PTCH2: variants seen among roughly 807,000 people sequenced by gnomAD.
PTCH2 encodes the protein protein patched homolog 2.
In PTCH2, 96 loss-of-function variants were observed where a neutral mutation model predicts 117.9. The observed-to-expected ratio is 0.81, with a 90% CI of 0.69 to 0.96. The LOEUF (loss-of-function observed/expected upper bound fraction) is 0.96. Among genes scored for constraint, PTCH2 ranks in the 50% least tolerant of loss-of-function variants. The pLI, the probability that PTCH2 is intolerant of heterozygous loss-of-function variation, is 0.00. For synonymous variants in PTCH2, 615 were observed against 660.9 expected (o/e 0.93, Z 1.06); for missense variants, 1,379 against 1,562.5 (o/e 0.88, Z 1.98).
At position 44,827,853 on chromosome 1, in the gene PTCH2, G is replaced by A. The variant is rs1420550032; in HGVS notation, c.2048C>T (p.Ser683Leu). Residue 683 changes from serine to leucine, a missense_variant, in exon 14 of 22, where the codon TCA (serine) becomes TTA (leucine). Physicochemically the swap from Ser to Leu is moderately radical, Grantham distance 145. Coordinates refer to ENST00000372192, the MANE Select transcript of PTCH2 (RefSeq NM_003738.5). ...TCTGCCCAGTCTTACCTTAGCATGTGACTGGAGCAGCAACGGGGCAAACTG... is the reference window on the plus strand; with the variant it reads ...TCTGCCCAGTCTTACCTTAGCATGTAACTGGAGCAGCAACGGGGCAAACTG... ...RYQFAPLLLQ[S>L]HAKAIVLVLF... 3.1e-6 allele frequency: 5 copies of A among 1,614,002 alleles called. No individual in the cohort carries two copies. In the African/African-American group the frequency reaches 6.7e-5, roughly 22 times the overall value.
chr1:44,827,284 G>A lies in PTCH2; in HGVS notation c.2397C>T (p.Asp799=). 1 of 1,613,998 alleles carries A rather than the reference G, an allele frequency of 6.2e-7. No individual in the cohort carries two copies. The highest frequency in any genetic ancestry group is 8.5e-7 in the Non-Finnish European group (1 of 1,180,018). The part of the protein sequence containing the change: ...LQGIQAAFDQ[D]WASGRITRHS... ...GGCGGGTGATGCGCCCAGAAGCCCA[G>A]TCCTGGTCAAAGGCAGCCTGGATTC... Residue 799 remains aspartate, a synonymous_variant, in exon 16 of 22, where the codon GAC becomes GAT. Coordinates refer to ENST00000372192, the MANE Select transcript of PTCH2 (RefSeq NM_003738.5).
chr1:44,829,752 G>A lies in PTCH2; in HGVS notation c.945C>T (p.Ala315=), dbSNP rs201325645. The change falls in exon 8 of 22, where the codon GCC becomes GCT. Residue 315 remains alanine (A), a synonymous_variant. Coordinates refer to ENST00000372192, the MANE Select transcript of PTCH2 (RefSeq NM_003738.5). The part of the protein sequence containing the change: ...DPQGELLRAE[A]LQSTFLLMSP... ...TCATCAGCAAGAAGGTGCTCTGCAG[G>A]GCCTCTGCCCTGGTGGGGGTGTGGG... The A allele has an allele frequency of 7.2e-5, 117 of 1,614,118 alleles. No individual in the cohort carries two copies. The highest frequency in any genetic ancestry group is 1.3e-5 in the Non-Finnish European group (15 of 1,180,060).
intron 2 of PTCH2, among the ~76,000 whole-genome samples, chr1:44,841,289 C>T (rs1302710733): frequency 6.6e-6 from 1 of 151,608 alleles, no homozygotes; most frequent in Non-Finnish European, 1.5e-5. Flanking sequence ...GCTATTGCCT[C>T]AAAGTGTGGA....
chr1:44,831,139 T>C lies in PTCH2; in HGVS notation c.618-96A>G. On this transcript the variant is annotated intron_variant, in intron 5 of 21. Coordinates refer to ENST00000372192, the MANE Select transcript of PTCH2 (RefSeq NM_003738.5). The surrounding 1 kb of genome is among the most constrained non-coding windows in gnomAD (Gnocchi z 4.3). The stretch of plus-strand genomic sequence containing the variant: ...CATGCTGTACCCCACCCTCCTCTTA[T>C]CTGCCGATTTGTCCTTCCATATGGA... 3 of 1,247,660 alleles carry C rather than the reference T, an allele frequency of 2.4e-6. No homozygotes were observed. The highest frequency in any genetic ancestry group is 1.4e-5 in the South Asian group (1 of 72,518). 77.3% of individuals were successfully genotyped at this position (1,247,660 alleles called of 1,614,324 possible).
In PTCH2 at chr1:44,823,352, G is replaced by A. The variant is rs765314961; in HGVS notation, c.3148C>T (p.Arg1050Trp). 8.7e-6 allele frequency: 14 copies of A among 1,614,104 alleles called. No homozygotes were observed. The highest frequency in any genetic ancestry group is 8.3e-5 in the Admixed American group (5 of 60,010). The change falls in exon 20 of 22, where the codon CGG (arginine) becomes TGG (tryptophan). Residue 1050 changes from arginine to tryptophan, a missense_variant. Coordinates refer to ENST00000372192, the MANE Select transcript of PTCH2 (RefSeq NM_003738.5). The surrounding 1 kb of genome is among the most constrained non-coding windows in gnomAD (Gnocchi z 5.1). ...FLTTQGSRNLRAAHALEHTFA... is the reference protein window; with the variant it reads ...FLTTQGSRNLWAAHALEHTFA... ...GTGTGCTCAAGGGCATGGGCGGCCC[G>A]CAGGTTCCGGCTGCCCTGGGTGGTC...
At chr1:44,829,345 C>T in intron 9 of PTCH2, 33 bp from the exon 10 acceptor site, 1 of 1,613,884 alleles carries the variant, frequency 6.2e-7, no homozygotes. Flanking sequence ...CAGGGGCTCC[C>T]AGGGTGGGCA....
At chr1:44,821,588 C>T (rs980507534), downstream of PTCH2, among the ~76,000 whole-genome samples, 2 of 152,126 alleles carry the variant, frequency 1.3e-5, no homozygotes. Flanking sequence ...TGCCGTTTCC[C>T]GTGCGGGTGA....
Position 44,834,122 on chromosome 1 carries a change from C to CTTT in PTCH2, c.266-1784_266-1782dup, listed in dbSNP as rs10695694. Among the ~76,000 whole-genome samples, 129 of 141,018 alleles carry CTTT rather than the reference C, an allele frequency of 9.1e-4. 2 individuals are homozygous for CTTT. The highest frequency in any genetic ancestry group is 2.0e-3 in the African/African-American group (75 of 37,990). 92.5% of individuals were successfully genotyped at this position (141,018 alleles called of 152,430 possible). A position where few individuals can be genotyped will look rare whatever the true frequency, so the allele number is the denominator to read the frequency against. On this transcript the variant is annotated intron_variant, in intron 2 of 21. Transcript: ENST00000372192. ...GCTCCCCACACTGCCAGTTCCTTCC[C>CTTT]TTTTTTTTTTTTTTGAGACTGAGTT...
downstream of PTCH2, chr1:44,820,590 T>C (rs1028945696): frequency 4.4e-6 from 3 of 682,068 alleles, no homozygotes; most frequent in Non-Finnish European, 8.3e-6. Context: ...GCAGAGGGAA[T>C]GGCGTATGAG....
chr1:44,839,170 C>G (rs1490256370), intron 2 of PTCH2, among the ~76,000 whole-genome samples: 1 of 151,902 alleles, frequency 6.6e-6, no homozygotes, highest in Admixed American at 6.6e-5. Flanking sequence ...GTCAGGAGAT[C>G]GAGGCCAGCA....
At position 44,828,639 on chromosome 1, in the gene PTCH2, G is replaced by C; in HGVS notation, c.1465-8C>G. On this transcript the variant is annotated splice_polypyrimidine_tract_variant and splice_region_variant and intron_variant, in intron 11 of 21. Coordinates refer to ENST00000372192, the MANE Select transcript of PTCH2 (RefSeq NM_003738.5). ...ACACTCGCCCATGCGCTCCTGCCAG[G>C]ACAGAGTGGGGACCTGCCCTCAGGT... is the stretch of plus-strand genomic sequence containing the variant. 6.2e-7 allele frequency: 1 copy of C among 1,610,830 alleles called. No homozygotes were observed. Among genetic ancestry groups the C allele is most frequent in the Non-Finnish European group, 8.5e-7 (1 of 1,178,900 alleles).
At chr1:44,840,722 A>C (rs965849644) in intron 2 of PTCH2, among the ~76,000 whole-genome samples, 16 of 151,820 alleles carry the variant, frequency 1.1e-4, no homozygotes, top group Admixed American at 3.9e-4. Flanking sequence ...CAAAAAAAAA[A>C]CAAAAAACCA....
chr1:44,828,654 T>G, intron 11 of PTCH2, 23 bp from the exon 12 acceptor site: 1 of 1,607,686 alleles, frequency 6.2e-7, no homozygotes, highest in Admixed American at 1.7e-5. Context: ...AGTGGGGACC[T>G]GCCCTCAGGT....
rs534945087 is a variant in PTCH2 at position 44,842,569 on chromosome 1, G to T, written c.72+292C>A. Among the ~76,000 whole-genome samples the T allele has an allele frequency of 6.4e-4, 97 of 152,192 alleles. No homozygotes were observed. The East Asian group carries it at 7.9e-3, about 12-fold the overall frequency. Reference sequence around the variant, plus strand: ...TGGGATTACAGGCGTGAGTCACCGCGCCCGGCCGGCATAGGCCCATTTTCT... The same window carrying T: ...TGGGATTACAGGCGTGAGTCACCGCTCCCGGCCGGCATAGGCCCATTTTCT... On this transcript the variant is annotated intron_variant, in intron 1 of 21. Transcript: ENST00000372192.
In PTCH2 at chr1:44,829,081, G is replaced by A; in HGVS notation, c.1372-7C>T. Reference sequence around the variant, plus strand: ...GAGCCAAGAAGGGCAGCACCTGGAGGGGCAGAGGAGCGGGCAGCTGAGGAC... The same window carrying A: ...GAGCCAAGAAGGGCAGCACCTGGAGAGGCAGAGGAGCGGGCAGCTGAGGAC... On this transcript the variant is annotated splice_polypyrimidine_tract_variant and splice_region_variant and intron_variant, in intron 10 of 21. Coordinates refer to ENST00000372192, the MANE Select transcript of PTCH2 (RefSeq NM_003738.5). The A allele has an allele frequency of 6.2e-7, 1 of 1,612,748 alleles. No homozygotes were observed. The highest frequency in any genetic ancestry group is 8.5e-7 in the Non-Finnish European group (1 of 1,179,520).
At chr1:44,820,629 C>G, downstream of PTCH2, 1 of 703,340 alleles carries the variant, frequency 1.4e-6, no homozygotes, top group Non-Finnish European at 2.7e-6. Context: ...CCAATTCAGC[C>G]TGTCCAGACA....
chr1:44,828,733 C>T lies in PTCH2; in HGVS notation c.1465-102G>A, dbSNP rs574847553. On this transcript the variant is annotated intron_variant, in intron 11 of 21. Transcript: ENST00000372192. ...AGGAACTTGGGGTGCAGAGGTGGGG[C>T]AGTCATAACACAGTGGCTAGCATTT... 773 of 1,487,592 alleles carry T rather than the reference C, an allele frequency of 5.2e-4. 17 individuals are homozygous for T. In the South Asian group the frequency reaches 8.9e-3, roughly 17 times the overall value. 92.1% of individuals were successfully genotyped at this position (1,487,592 alleles called of 1,614,324 possible). A position where few individuals can be genotyped will look rare whatever the true frequency, so the allele number is the denominator to read the frequency against.
At chr1:44,834,777 C>T (rs1419406380) in intron 2 of PTCH2, among the ~76,000 whole-genome samples, 3 of 152,140 alleles carry the variant, frequency 2.0e-5, no homozygotes, top group Non-Finnish European at 4.4e-5. Flanking sequence ...AAGGAAGAGT[C>T]GATAATGCTT....
Position 44,843,006 on chromosome 1 carries a change from C to T in PTCH2, c.-74G>A. The T allele has an allele frequency of 2.1e-6, 3 of 1,458,072 alleles. No homozygotes were observed. Among genetic ancestry groups the T allele is most frequent in the Non-Finnish European group, 2.7e-6 (3 of 1,109,006 alleles). The allele number at this position is 1,458,072 out of a possible 1,614,324, so 90.3% of individuals were successfully genotyped here. The stretch of plus-strand genomic sequence containing the variant: ...CGCTCCCATAGGCTAGCCCGGTCTC[C>T]CGGTACCGCTGGGCCCCGCGTAGGG... On this transcript the variant is annotated 5_prime_UTR_variant, in exon 1 of 22. Coordinates refer to ENST00000372192, the MANE Select transcript of PTCH2 (RefSeq NM_003738.5).
Sources: allele counts gnomAD v4.1 joint callset (sites outside exome capture counted in the v4.1 genomes callset), GRCh38; gene constraint gnomAD v4.1.1; non-coding constraint Gnocchi (gnomAD v3.1); transcripts MANE v1.5; gene names NCBI Gene and HGNC (gene_info 2026-07-23, HGNC 2026-07-21).